The following AGBL4 variants were observed in gnomAD, a reference collection of about 807,000 sequenced individuals.
The protein encoded by AGBL4 is AGBL carboxypeptidase 4, also known as cytosolic carboxypeptidase 6.
AGBL4 carries 58 observed loss-of-function variants against 66.4 expected under a neutral mutation model. The ratio of observed to expected loss-of-function variants is 0.87; its 90% confidence interval spans 0.71 to 1.09. The LOEUF is 1.09. Among genes scored for constraint, AGBL4 ranks in the 50% least tolerant of loss-of-function variants. The probability of loss-of-function intolerance (pLI) is 0.00; values close to 1 mark genes in which losing one functional copy is unlikely to be tolerated. For synonymous variants in AGBL4, 234 were observed against 222.9 expected (o/e 1.05, Z -0.44); for missense variants, 579 against 631.0 (o/e 0.92, Z 0.88).
chr1:48,789,920 G>A (rs1360214808), intron 6 of AGBL4, among the ~76,000 whole-genome samples: 1 of 152,174 alleles, frequency 6.6e-6, no homozygotes, highest in Non-Finnish European at 1.5e-5. Flanking sequence ...CACTTCCTAG[G>A]TGGAGGCAGA....
chr1:48,528,179 G>T (rs887080998), downstream of AGBL4, among the ~76,000 whole-genome samples: 1 of 152,118 alleles, frequency 6.6e-6, no homozygotes, highest in Non-Finnish European at 1.5e-5. Flanking sequence ...TAAAATTCAG[G>T]TCTATCTGAC....
At chr1:49,116,171 AT>A (rs1375448170) in intron 4 of AGBL4, among the ~76,000 whole-genome samples, 1 of 152,182 alleles carries the variant, frequency 6.6e-6, no homozygotes, top group Non-Finnish European at 1.5e-5. Flanking sequence ...AATTCGATAT[AT>A]TAAGAAAGCA....
rs186295739 is a variant in AGBL4 at position 49,846,070 on chromosome 1, A to G, written c.157+5326T>C. 244 of 1,577,358 alleles carry G rather than the reference A, an allele frequency of 1.5e-4. 1 individual carries two copies. In the African/African-American group the frequency reaches 2.9e-3, roughly 19 times the overall value. Reference sequence around the variant, plus strand: ...TCATTCAGCATCAGAGGATCCACACAGGAGAGAAACCCTATGAATGTAACC... The same window carrying G: ...TCATTCAGCATCAGAGGATCCACACGGGAGAGAAACCCTATGAATGTAACC... On this transcript the variant is annotated intron_variant, in intron 2 of 13. Coordinates refer to ENST00000371839, the MANE Select transcript of AGBL4 (RefSeq NM_032785.4).
At chr1:49,633,010 G>T (rs575082122) in intron 3 of AGBL4, among the ~76,000 whole-genome samples, 68 of 152,198 alleles carry the variant, frequency 4.5e-4, no homozygotes, top group African/African-American at 1.5e-3. Flanking sequence ...GGAGGCAGAG[G>T]TTGCAGTGAG....
intron 2 of AGBL4, among the ~76,000 whole-genome samples, chr1:49,806,048 T>C (rs1644969663): frequency 6.6e-6 from 1 of 152,140 alleles, no homozygotes; most frequent in African/African-American, 2.4e-5. Flanking sequence ...TTTAAAACTG[T>C]AATGGGTAAA....
intron 5 of AGBL4, among the ~76,000 whole-genome samples, chr1:48,937,243 A>T (rs931157150): frequency 6.6e-6 from 1 of 152,210 alleles, no homozygotes; most frequent in African/African-American, 2.4e-5. Context: ...ATTGCTCAAG[A>T]TGCCATGACT....
intron 5 of AGBL4, among the ~76,000 whole-genome samples, chr1:48,902,146 C>G (rs1316983471): frequency 1.3e-5 from 2 of 152,252 alleles, no homozygotes; most frequent in Admixed American, 1.3e-4. Context: ...CTTGGAAATT[C>G]AAGCTGAGAT....
At chr1:48,835,248 A>C (rs1646647537) in intron 6 of AGBL4, among the ~76,000 whole-genome samples, 1 of 152,162 alleles carries the variant, frequency 6.6e-6, no homozygotes, top group South Asian at 2.1e-4. Flanking sequence ...AACCCCTATC[A>C]GGGGCAGAAT....
intron 6 of AGBL4, among the ~76,000 whole-genome samples, chr1:48,857,950 T>C (rs1266072541): frequency 6.6e-6 from 1 of 152,156 alleles, no homozygotes; most frequent in Admixed American, 6.5e-5. Context: ...CCAGAATATA[T>C]ATTCTGAAAA....
chr1:49,282,064 T>C (rs999996334), intron 3 of AGBL4, among the ~76,000 whole-genome samples: 2 of 152,178 alleles, frequency 1.3e-5, no homozygotes, highest in Admixed American at 1.3e-4. Flanking sequence ...GGCATCTGAC[T>C]ATCTCCAGGT....
chr1:49,456,154 G>A (rs987541476), intron 3 of AGBL4, among the ~76,000 whole-genome samples: 1 of 151,678 alleles, frequency 6.6e-6, no homozygotes, highest in Non-Finnish European at 1.5e-5. Flanking sequence ...CATCTTCCAA[G>A]TCTTTAATTT....
intron 2 of AGBL4, among the ~76,000 whole-genome samples, chr1:49,750,882 C>T (rs1309983890): frequency 1.3e-5 from 2 of 152,122 alleles, no homozygotes; most frequent in Non-Finnish European, 2.9e-5. Flanking sequence ...TGAGTTGGCT[C>T]TCTGTTTGTC....
intron 5 of AGBL4, among the ~76,000 whole-genome samples, chr1:49,033,841 T>C (rs10888643): frequency 0.67 from 98,691 of 148,402 alleles, 33,297 homozygotes; most frequent in African/African-American, 0.72. Context: ...TTTTTTTACT[T>C]CTCAGATTTT....
At chr1:49,901,635 A>G (rs995414350) in intron 1 of AGBL4, among the ~76,000 whole-genome samples, 12 of 152,230 alleles carry the variant, frequency 7.9e-5, no homozygotes, top group Non-Finnish European at 1.8e-4. Context: ...TACAGATTCA[A>G]TGTTATTCCT....
intron 3 of AGBL4, among the ~76,000 whole-genome samples, chr1:49,656,960 C>T (rs1366108866): frequency 6.6e-6 from 1 of 152,090 alleles, no homozygotes; most frequent in Non-Finnish European, 1.5e-5. Context: ...ACAGGGATGC[C>T]CTCTTTCGCC....
At chr1:49,552,783 T>C (rs1653074454) in intron 3 of AGBL4, among the ~76,000 whole-genome samples, 1 of 152,226 alleles carries the variant, frequency 6.6e-6, no homozygotes, top group Admixed American at 6.5e-5. Flanking sequence ...CATACTGCTC[T>C]GTCTGTCCGA....
intron 2 of AGBL4, among the ~76,000 whole-genome samples, chr1:49,726,879 C>G (rs1341327001): frequency 2.0e-5 from 3 of 152,076 alleles, no homozygotes; most frequent in Admixed American, 6.6e-5. Flanking sequence ...TCACATTATT[C>G]TAACTAAAGG....
chr1:49,040,540 G>A (rs1050755503), intron 5 of AGBL4, among the ~76,000 whole-genome samples: 3 of 152,004 alleles, frequency 2.0e-5, no homozygotes, highest in African/African-American at 7.2e-5. Flanking sequence ...AGTCCAAACC[G>A]AAATCCATCC....
At chr1:49,046,313 A>G (rs1644079343) in intron 4 of AGBL4, among the ~76,000 whole-genome samples, 1 of 152,232 alleles carries the variant, frequency 6.6e-6, no homozygotes, top group South Asian at 2.1e-4. Context: ...AGTTTTTTAA[A>G]TTATAAGACT....
Sources: gnomAD v4.1 joint callset for allele counts (sites outside exome capture counted in the v4.1 genomes callset) on GRCh38, gnomAD v4.1.1 for gene constraint, MANE v1.5 for transcripts, NCBI Gene and HGNC (gene_info 2026-07-23, HGNC 2026-07-21) for gene names.